Variants in EXOC3 observed in about 807,000 individuals in gnomAD.
EXOC3 encodes SEC6-like 1.
In EXOC3, 21 loss-of-function variants were observed where a neutral mutation model predicts 73.7. That is an observed-to-expected ratio of 0.29 (90% CI 0.20 to 0.41). The LOEUF (loss-of-function observed/expected upper bound fraction) is 0.41. Among genes scored for constraint, EXOC3 ranks in the 10% least tolerant of loss-of-function variants. The pLI is 1.00. For missense variants in EXOC3, 842 were observed against 985.1 expected (o/e 0.85, Z 1.95); for synonymous variants, 410 against 389.1 (o/e 1.05, Z -0.63).
intron 10 of EXOC3, chr5:464,621 G>T: frequency 1.9e-6 from 1 of 518,190 alleles, no homozygotes; most frequent in Admixed American, 3.2e-5. Context: ...CATGGCCCTC[G>T]AGGTGGAGGG....
intron 11 of EXOC3, 100 bp from the exon 12 acceptor site, chr5:465,618 A>T (rs1260857657): frequency 5.5e-6 from 8 of 1,447,154 alleles, no homozygotes; most frequent in Non-Finnish European, 7.6e-6. Context: ...TCAGGTGAAG[A>T]GGGAGGTTCC....
chr5:454,103 G>C, intron 4 of EXOC3, 52 bp downstream of exon 4: 1 of 1,448,622 alleles, frequency 6.9e-7, no homozygotes, highest in South Asian at 1.3e-5. Context: ...CCGTGTGTGA[G>C]AGGGGCCTGC....
chr5:459,834 G>A (rs1172415020), intron 7 of EXOC3, among the ~76,000 whole-genome samples: 3 of 152,234 alleles, frequency 2.0e-5, no homozygotes, highest in Non-Finnish European at 2.9e-5. Flanking sequence ...CGGCTGAGCC[G>A]GCCCTCCTCA....
intron 1 of EXOC3, among the ~76,000 whole-genome samples, chr5:445,916 G>T (rs1050201201): frequency 6.6e-6 from 1 of 152,174 alleles, no homozygotes; most frequent in Non-Finnish European, 1.5e-5. Flanking sequence ...CAATGTCCAT[G>T]TCTCTCATGC....
intron 3 of EXOC3, among the ~76,000 whole-genome samples, chr5:448,676 G>A (rs1421212355): frequency 1.3e-5 from 2 of 152,180 alleles, no homozygotes; most frequent in African/African-American, 4.8e-5. Context: ...CTGAGGCCAC[G>A]TGTGAATTGG....
intron 7 of EXOC3, among the ~76,000 whole-genome samples, chr5:461,220 A>G (rs752751177): frequency 3.9e-5 from 6 of 152,232 alleles, no homozygotes; most frequent in Non-Finnish European, 8.8e-5. Flanking sequence ...ACTATGTAGT[A>G]TATTTTTACA....
chr5:457,766 A>T, intron 5 of EXOC3, 134 bp from the exon 6 acceptor site: 8 of 991,166 alleles, frequency 8.1e-6, no homozygotes, highest in Non-Finnish European at 1.2e-5. Context: ...TGGAGTCCTC[A>T]TTTGAGAAAG....
At chr5:450,821 A>G (rs113788368) in intron 3 of EXOC3, among the ~76,000 whole-genome samples, 1,833 of 148,880 alleles carry the variant, frequency 0.012, 47 homozygotes, top group African/African-American at 0.044. Flanking sequence ...AGTATATTTC[A>G]TATTTATTAG....
chr5:452,006 G>A (rs1407198198), intron 3 of EXOC3, among the ~76,000 whole-genome samples: 1 of 152,186 alleles, frequency 6.6e-6, no homozygotes, highest in Non-Finnish European at 1.5e-5. Context: ...TTGTATCTTA[G>A]TGTGGACCTC....
chr5:448,927 C>T (rs1737580585), intron 3 of EXOC3, among the ~76,000 whole-genome samples: 1 of 152,230 alleles, frequency 6.6e-6, no homozygotes, highest in Non-Finnish European at 1.5e-5. Flanking sequence ...AGCAGCTCTT[C>T]TTGGTGACTG....
chr5:461,358 T>C (rs1257829082), intron 7 of EXOC3, among the ~76,000 whole-genome samples: 1 of 152,248 alleles, frequency 6.6e-6, no homozygotes, highest in Non-Finnish European at 1.5e-5. Context: ...CTTACGCCTG[T>C]AATCCCAGCA....
intron 4 of EXOC3, among the ~76,000 whole-genome samples, chr5:456,558 C>T (rs551183623): frequency 2.3e-3 from 350 of 152,324 alleles, no homozygotes; most frequent in African/African-American, 8.1e-3. Flanking sequence ...ATGAAGCTGG[C>T]GCAGCAGGGT....
chr5:455,751 G>A (rs1436216034), intron 4 of EXOC3, among the ~76,000 whole-genome samples: 1 of 152,182 alleles, frequency 6.6e-6, no homozygotes, highest in Admixed American at 6.5e-5. Context: ...CTACAGGCGC[G>A]TGCCACCATG....
intron 5 of EXOC3, chr5:457,479 G>A (rs1275121634): frequency 1.7e-5 from 4 of 230,728 alleles, no homozygotes; most frequent in East Asian, 1.1e-4. Context: ...ACCAGAAGCC[G>A]AGGTGTCCTC....
intron 7 of EXOC3, among the ~76,000 whole-genome samples, chr5:460,179 G>A (rs1050744148): frequency 2.0e-5 from 3 of 152,218 alleles, no homozygotes; most frequent in Non-Finnish European, 4.4e-5. Context: ...TGTATCTCAA[G>A]TGTGTCTTTT....
intron 3 of EXOC3, among the ~76,000 whole-genome samples, chr5:450,679 C>T (rs1737636901): frequency 6.6e-6 from 1 of 152,128 alleles, no homozygotes; most frequent in Admixed American, 6.5e-5. Flanking sequence ...CAGTTCTATC[C>T]ATTTTTGCTT....
intron 6 of EXOC3, 59 bp from the exon 7 acceptor site, chr5:459,300 G>C (rs80046645): frequency 0.041 from 33,156 of 817,894 alleles, 865 homozygotes; most frequent in Non-Finnish European, 0.051. Flanking sequence ...CAGCAAACCT[G>C]CACTCTTAGT....
intron 1 of EXOC3, among the ~76,000 whole-genome samples, chr5:443,569 G>A (rs577009210): frequency 1.1e-4 from 17 of 151,822 alleles, no homozygotes; most frequent in Non-Finnish European, 1.6e-4. Flanking sequence ...TGGTGCAGGT[G>A]TCCCCTTAAC....
rs1210249606 is a variant in EXOC3, at chr5:465,267, G to A, written c.1933G>A (p.Ala645Thr). Residue 645 changes from alanine to threonine, a missense_variant, in exon 11 of 13, where the codon GCG becomes ACG. Transcript: ENST00000512944. Reference protein sequence around the residue: ...EQLRFLFRKLASGFGEDVDGY... With the variant: ...EQLRFLFRKLTSGFGEDVDGY... ...GCTGCGCTTCCTGTTCCGGAAGCTG[G>A]CGTCCGTGAGTGTCGCGCAGGTCCG... 6.3e-7 allele frequency: 1 copy of A among 1,581,226 alleles called. No individual in the cohort carries two copies.
Sources: gnomAD v4.1 joint callset for allele counts (sites outside exome capture counted in the v4.1 genomes callset) on GRCh38, gnomAD v4.1.1 for gene constraint, MANE v1.5 for transcripts, NCBI Gene and HGNC (gene_info 2026-07-23, HGNC 2026-07-21) for gene names.